The following JARID2 variants were observed in gnomAD, a reference collection of about 807,000 sequenced individuals.
JARID2 encodes jumonji and AT-rich interaction domain containing 2.
Under a neutral mutation model 125.6 loss-of-function variants are expected in JARID2, and 21 were observed. That is an observed-to-expected ratio of 0.17 (90% confidence interval 0.12 to 0.24). JARID2 has a LOEUF of 0.24. Among genes scored for constraint, JARID2 ranks in the 10% least tolerant of loss-of-function variants. JARID2 has a pLI of 1.00. For synonymous variants in JARID2, 736 were observed against 661.6 expected (o/e 1.11, Z -1.73); for missense variants, 1,303 against 1,639.6 (o/e 0.79, Z 3.55).
At chr6:15,306,025 A>G (rs1017420522) in intron 1 of JARID2, among the ~76,000 whole-genome samples, 2 of 152,300 alleles carry the variant, frequency 1.3e-5, no homozygotes, top group East Asian at 3.9e-4. Flanking sequence ...CTGGTGGCCC[A>G]CTTGTGGGAC....
intron 1 of JARID2, among the ~76,000 whole-genome samples, chr6:15,339,569 CTT>C (rs1443740376): frequency 7.6e-6 from 1 of 131,746 alleles, no homozygotes; most frequent in Non-Finnish European, 1.6e-5. Flanking sequence ...GAGTTTCGCT[CTT>C]GTTACCCAGG....
chr6:15,449,404 G>A (rs1038014672), intron 3 of JARID2, among the ~76,000 whole-genome samples: 3 of 152,072 alleles, frequency 2.0e-5, no homozygotes, highest in African/African-American at 7.2e-5. Context: ...CCAACACTTT[G>A]GGAGGCCAAG....
At chr6:15,467,876 A>T (rs1768817741) in intron 4 of JARID2, among the ~76,000 whole-genome samples, 1 of 152,312 alleles carries the variant, frequency 6.6e-6, no homozygotes, top group Non-Finnish European at 1.5e-5. Flanking sequence ...ACCTTTGAGG[A>T]TGAGAGGTTA....
chr6:15,426,665 G>T (rs990888827), intron 3 of JARID2, among the ~76,000 whole-genome samples: 1 of 152,208 alleles, frequency 6.6e-6, no homozygotes, highest in African/African-American at 2.4e-5. Context: ...GAGTGGAAGA[G>T]CTCCAAGAGG....
At chr6:15,331,162 G>T (rs575691067) in intron 1 of JARID2, among the ~76,000 whole-genome samples, 3 of 151,850 alleles carry the variant, frequency 2.0e-5, no homozygotes, top group South Asian at 4.2e-4. Context: ...GCAAAATCCT[G>T]TCTCTACAAA....
At chr6:15,310,207 A>C (rs1046926527) in intron 1 of JARID2, among the ~76,000 whole-genome samples, 1 of 152,216 alleles carries the variant, frequency 6.6e-6, no homozygotes, top group African/African-American at 2.4e-5. Flanking sequence ...TGGTTAGAGC[A>C]AAACAAGCAT....
intron 1 of JARID2, among the ~76,000 whole-genome samples, chr6:15,306,006 G>C (rs771513504): frequency 1.3e-5 from 2 of 152,186 alleles, no homozygotes; most frequent in Non-Finnish European, 2.9e-5. Flanking sequence ...ACAAATTTCA[G>C]TTCCATTTCT....
intron 3 of JARID2, 73 bp from the exon 4 acceptor site, chr6:15,451,933 T>G (rs748523359): frequency 3.5e-6 from 5 of 1,439,896 alleles, no homozygotes; most frequent in Non-Finnish European, 4.7e-6. Context: ...GTGTCATGAT[T>G]TTATTGCCGC....
chr6:15,353,261 A>G (rs1450446543), intron 1 of JARID2, among the ~76,000 whole-genome samples: 2 of 152,150 alleles, frequency 1.3e-5, no homozygotes, highest in Non-Finnish European at 2.9e-5. Context: ...GTGGTATCGC[A>G]TTGCTGTTTT....
chr6:15,489,506 C>T (rs1462579968), intron 6 of JARID2, among the ~76,000 whole-genome samples: 2 of 152,258 alleles, frequency 1.3e-5, no homozygotes, highest in African/African-American at 2.4e-5. Context: ...AGCTCACTCT[C>T]AGCACTTGGC....
At chr6:15,297,107 T>G (rs1761443082) in intron 1 of JARID2, among the ~76,000 whole-genome samples, 1 of 152,220 alleles carries the variant, frequency 6.6e-6, no homozygotes, top group South Asian at 2.1e-4. Context: ...GGTATTTCTT[T>G]TTAGTTGTCA....
intron 1 of JARID2, among the ~76,000 whole-genome samples, chr6:15,267,767 G>T (rs1760144149): frequency 6.6e-6 from 1 of 152,110 alleles, no homozygotes; most frequent in Non-Finnish European, 1.5e-5. Context: ...TGCAGTAGGG[G>T]GTTTTTGGGT....
intron 1 of JARID2, among the ~76,000 whole-genome samples, chr6:15,326,204 A>G (rs1762528314): frequency 6.6e-6 from 1 of 152,140 alleles, no homozygotes; most frequent in Non-Finnish European, 1.5e-5. Context: ...CTCTAAGTGA[A>G]GCAAATCTCA....
chr6:15,253,844 G>A (rs1759548625), intron 1 of JARID2, among the ~76,000 whole-genome samples: 2 of 152,160 alleles, frequency 1.3e-5, no homozygotes, highest in African/African-American at 4.8e-5. Flanking sequence ...TTGTGAGTTT[G>A]TCTGAGAAAA....
intron 12 of JARID2, 88 bp downstream of exon 12, chr6:15,508,542 G>A (rs1581663118): frequency 2.6e-6 from 2 of 771,054 alleles, no homozygotes; most frequent in East Asian, 5.0e-5. Context: ...TTCTTGTCCA[G>A]GTGGTTCCAC....
At chr6:15,265,124 A>G (rs1760032741) in intron 1 of JARID2, among the ~76,000 whole-genome samples, 1 of 152,162 alleles carries the variant, frequency 6.6e-6, no homozygotes. Flanking sequence ...ATTATTGTTT[A>G]CAGAATTAGT....
chr6:15,289,525 C>T (rs958273258), intron 1 of JARID2, among the ~76,000 whole-genome samples: 2 of 151,838 alleles, frequency 1.3e-5, no homozygotes, highest in Admixed American at 6.6e-5. Flanking sequence ...GAGCCACTGC[C>T]CAGCCCCTTC....
chr6:15,376,513 C>T (rs1354184688), intron 2 of JARID2, among the ~76,000 whole-genome samples: 3 of 152,032 alleles, frequency 2.0e-5, no homozygotes, highest in South Asian at 2.1e-4. Flanking sequence ...CCCAGGAGTT[C>T]GAGACCAGCT....
At position 15,315,874 on chromosome 6, in the gene JARID2, GT is replaced by G. The variant is rs547838887; in HGVS notation, c.46-58240del. ...CGTTCATTAGTGATTTCAGACATGA[GT>G]TTCTCAGGGCTCCCAAATTTATGGA... is the stretch of plus-strand genomic sequence containing the variant. On this transcript the variant is annotated intron_variant, in intron 1 of 17. Transcript: ENST00000341776. Among the ~76,000 whole-genome samples, 53 of 152,288 alleles carry G rather than the reference GT, an allele frequency of 3.5e-4. No homozygotes were observed. The East Asian group carries it at 9.7e-3, about 28-fold the overall frequency.
Sources: allele counts gnomAD v4.1 joint callset (sites outside exome capture counted in the v4.1 genomes callset), GRCh38; gene constraint gnomAD v4.1.1; transcripts MANE v1.5; gene names NCBI Gene and HGNC (gene_info 2026-07-23, HGNC 2026-07-21).